The following CA10 variants were observed in gnomAD, a reference collection of about 807,000 sequenced individuals.
The protein encoded by CA10 is carbonic anhydrase 10 (inactive), also known as carbonic anhydrase-related protein 10.
Under a neutral mutation model 44.2 loss-of-function variants are expected in CA10, and 14 were observed. That is an observed-to-expected ratio of 0.32 (90% CI 0.21 to 0.50). The LOEUF (loss-of-function observed/expected upper bound fraction) is 0.50. Among genes scored for constraint, CA10 ranks in the 20% least tolerant of loss-of-function variants. The pLI is 0.99. For synonymous variants in CA10, 159 were observed against 141.6 expected (o/e 1.12, Z -0.87); for missense variants, 350 against 409.7 (o/e 0.85, Z 1.26).
intron 4 of CA10, among the ~76,000 whole-genome samples, chr17:51,669,452 C>T (rs9902842): frequency 0.2 from 29,829 of 152,004 alleles, 3,396 homozygotes; most frequent in African/African-American, 0.31. Flanking sequence ...AGAAGCAGGC[C>T]GCCCCAGCCA....
chr17:52,074,954 T>C (rs1321892146), intron 1 of CA10, among the ~76,000 whole-genome samples: 1 of 152,174 alleles, frequency 6.6e-6, no homozygotes, highest in East Asian at 1.9e-4. Flanking sequence ...CATAATGTTT[T>C]ATTGCCAAAT....
At chr17:52,078,024 G>A (rs530339807) in intron 1 of CA10, among the ~76,000 whole-genome samples, 23 of 152,242 alleles carry the variant, frequency 1.5e-4, no homozygotes, top group African/African-American at 5.5e-4. Context: ...ACAAATACAG[G>A]CATCACACCA....
rs376661919 is a variant in CA10, at chr17:51,631,624, GAA to G, written c.965-20_965-19del. On this transcript the variant is annotated intron_variant, in intron 8 of 8. Coordinates refer to ENST00000451037, the MANE Select transcript of CA10 (RefSeq NM_020178.5). ...TTCATTTACTGCAAAGAGAGAGAAA[GAA>G]AAAAAAAATCACACATACAACATAA... The G allele has an allele frequency of 6.5e-7, 1 of 1,528,056 alleles. No individual in the cohort carries two copies. The highest frequency in any genetic ancestry group is 1.4e-5 in the African/African-American group (1 of 70,514). 94.7% of individuals were successfully genotyped at this position (1,528,056 alleles called of 1,614,324 possible). A position where few individuals can be genotyped will look rare whatever the true frequency, so the allele number is the denominator to read the frequency against.
chr17:52,125,383 G>A (rs899379174), intron 1 of CA10, among the ~76,000 whole-genome samples: 3 of 152,190 alleles, frequency 2.0e-5, no homozygotes, highest in African/African-American at 7.2e-5. Flanking sequence ...CAGCCAAAGA[G>A]CAGGTGTCCC....
chr17:52,133,714 T>A (rs557544865), intron 1 of CA10, among the ~76,000 whole-genome samples: 1 of 152,216 alleles, frequency 6.6e-6, no homozygotes, highest in Non-Finnish European at 1.5e-5. Flanking sequence ...GATACAATGT[T>A]TGTAATAGCA....
chr17:52,003,945 A>C (rs1024925031), intron 2 of CA10, among the ~76,000 whole-genome samples: 4 of 151,992 alleles, frequency 2.6e-5, no homozygotes, highest in South Asian at 2.1e-4. Context: ...AAAACAAAAA[A>C]AAAAAAACCC....
intron 2 of CA10, among the ~76,000 whole-genome samples, chr17:51,959,275 T>TCTTG (rs1983783027): frequency 3.9e-5 from 4 of 102,032 alleles, no homozygotes; most frequent in Non-Finnish European, 6.1e-5. Context: ...TCTCTCGCTC[T>TCTTG]CTCTCTCTGT....
intron 1 of CA10, among the ~76,000 whole-genome samples, chr17:52,092,430 A>G (rs1988291667): frequency 6.6e-6 from 1 of 152,230 alleles, no homozygotes; most frequent in Non-Finnish European, 1.5e-5. Flanking sequence ...CCACCTATTC[A>G]CAGAAAATGG....
chr17:51,942,538 TTA>T (rs10549926), intron 2 of CA10, among the ~76,000 whole-genome samples: 83,167 of 135,056 alleles, frequency 0.62, 26,995 homozygotes, highest in Non-Finnish European at 0.65. Context: ...CTTGCAGGCA[TTA>T]TATATATATA....
intron 3 of CA10, among the ~76,000 whole-genome samples, chr17:51,863,742 AG>A (rs1323021604): frequency 6.6e-6 from 1 of 152,208 alleles, no homozygotes; most frequent in African/African-American, 2.4e-5. Flanking sequence ...GAATACAAAC[AG>A]GGACCAACCA....
chr17:51,896,545 T>TA (rs1289252738), intron 3 of CA10, among the ~76,000 whole-genome samples: 1 of 152,130 alleles, frequency 6.6e-6, no homozygotes, highest in African/African-American at 2.4e-5. Flanking sequence ...GTGATGAAGA[T>TA]ACGCATGCAA....
intron 3 of CA10, among the ~76,000 whole-genome samples, chr17:51,795,163 C>G (rs369922404): frequency 1.4e-4 from 21 of 152,288 alleles, no homozygotes; most frequent in African/African-American, 4.6e-4. Context: ...CATACAGCCC[C>G]TGCTTAGTAA....
At chr17:51,967,181 A>G (rs1037109585) in intron 2 of CA10, among the ~76,000 whole-genome samples, 8 of 151,754 alleles carry the variant, frequency 5.3e-5, no homozygotes, top group Admixed American at 3.3e-4. Context: ...TAAAAAGCCA[A>G]AAAACAATAG....
chr17:51,914,158 G>A (rs1981897558), intron 3 of CA10, among the ~76,000 whole-genome samples: 1 of 152,120 alleles, frequency 6.6e-6, no homozygotes, highest in Non-Finnish European at 1.5e-5. Context: ...TTTCCAAAGT[G>A]CAATCATGCT....
rs566333980 is a variant in CA10 at position 51,654,847 on chromosome 17, C to T, written c.466-1111G>A. On this transcript the variant is annotated intron_variant, in intron 4 of 8. Transcript: ENST00000451037. Reference sequence around the variant, plus strand: ...CTGGGATTACAGGTGTGAGCCACTGCGCCCGGCCAGAAGCATAATTTTTTA... The same window carrying T: ...CTGGGATTACAGGTGTGAGCCACTGTGCCCGGCCAGAAGCATAATTTTTTA... Among the ~76,000 whole-genome samples the T allele has an allele frequency of 1.5e-3, 222 of 150,218 alleles. 1 individual carries two copies. The highest frequency in any genetic ancestry group is 2.4e-3 in the Non-Finnish European group (162 of 68,002).
intron 2 of CA10, among the ~76,000 whole-genome samples, chr17:52,012,291 A>G (rs1019461142): frequency 6.6e-6 from 1 of 152,008 alleles, no homozygotes; most frequent in African/African-American, 2.4e-5. Context: ...AAGAAACTGA[A>G]ATTTGGAGAC....
intron 2 of CA10, among the ~76,000 whole-genome samples, chr17:51,937,701 T>C (rs1982921485): frequency 6.6e-6 from 1 of 152,162 alleles, no homozygotes; most frequent in Non-Finnish European, 1.5e-5. Flanking sequence ...ACACTCAGTA[T>C]GGTGGGAAGA....
intron 5 of CA10, 41 bp downstream of exon 5, chr17:51,653,600 G>T: frequency 9.8e-7 from 1 of 1,018,218 alleles, no homozygotes; most frequent in Non-Finnish European, 1.6e-6. Flanking sequence ...TCTGATTGAG[G>T]TGGGGATGGT....
chr17:51,771,122 C>CAAAAAAAA (rs71357854), intron 3 of CA10, among the ~76,000 whole-genome samples: 1 of 37,676 alleles, frequency 2.7e-5, no homozygotes, highest in Non-Finnish European at 4.3e-5. Flanking sequence ...GACTCCGTCT[C>CAAAAAAAA]AAAAAAAAAA....
Sources: gnomAD v4.1 joint callset for allele counts (sites outside exome capture counted in the v4.1 genomes callset) on GRCh38, gnomAD v4.1.1 for gene constraint, MANE v1.5 for transcripts, NCBI Gene and HGNC (gene_info 2026-07-23, HGNC 2026-07-21) for gene names.